The following GALNT17 variants were observed in gnomAD, a reference collection of about 807,000 sequenced individuals.
The protein encoded by GALNT17 is UDP-GalNAc:polypeptide N-acetylgalactosaminyltransferase-like 3.
In GALNT17, 29 loss-of-function variants were observed where a neutral mutation model predicts 63.7. The ratio of observed to expected loss-of-function variants is 0.46; its 90% CI spans 0.34 to 0.62. The LOEUF (loss-of-function observed/expected upper bound fraction) is 0.62, where lower values mean the gene tolerates loss of function less well. GALNT17 is among the 20% of genes least tolerant of loss of function. GALNT17 has a pLI of 0.01. For synonymous variants in GALNT17, 305 were observed against 318.3 expected (o/e 0.96, Z 0.45); for missense variants, 603 against 799.6 (o/e 0.75, Z 2.97).
intron 2 of GALNT17, among the ~76,000 whole-genome samples, chr7:71,383,219 A>G (rs1792878670): frequency 6.6e-6 from 1 of 152,104 alleles, no homozygotes; most frequent in Non-Finnish European, 1.5e-5. Flanking sequence ...TTATATATAC[A>G]CAGCCATCCC....
intron 3 of GALNT17, among the ~76,000 whole-genome samples, chr7:71,395,947 C>G (rs1563061948): frequency 6.6e-6 from 1 of 152,084 alleles, no homozygotes; most frequent in African/African-American, 2.4e-5. Flanking sequence ...GATTATTTGA[C>G]TTTTTAAATT....
At chr7:71,619,037 A>G (rs753224384) in intron 6 of GALNT17, among the ~76,000 whole-genome samples, 1 of 152,216 alleles carries the variant, frequency 6.6e-6, no homozygotes, top group Non-Finnish European at 1.5e-5. Flanking sequence ...ATGGCTAGCC[A>G]GTTGTCCTGG....
At chr7:71,626,343 T>C (rs913131853) in intron 6 of GALNT17, among the ~76,000 whole-genome samples, 18 of 152,130 alleles carry the variant, frequency 1.2e-4, no homozygotes, top group African/African-American at 4.3e-4. Flanking sequence ...ATGCCTCAGA[T>C]GTAACCACCC....
intron 1 of GALNT17, among the ~76,000 whole-genome samples, chr7:71,267,584 G>A (rs1216781737): frequency 6.6e-6 from 1 of 152,108 alleles, no homozygotes. Flanking sequence ...TATCTGTTGC[G>A]CTCATTTGCT....
At chr7:71,252,457 G>C (rs550212082) in intron 1 of GALNT17, among the ~76,000 whole-genome samples, 6 of 152,108 alleles carry the variant, frequency 3.9e-5, no homozygotes, top group Admixed American at 6.6e-5. Flanking sequence ...CATGAGAGGC[G>C]GAGGCTGCAG....
At chr7:71,207,727 T>C (rs1789299792) in intron 1 of GALNT17, among the ~76,000 whole-genome samples, 1 of 152,158 alleles carries the variant, frequency 6.6e-6, no homozygotes, top group Non-Finnish European at 1.5e-5. Flanking sequence ...TCACTGGTCC[T>C]TGGGAGCCTT....
chr7:71,388,580 G>T (rs1488873834), intron 3 of GALNT17, among the ~76,000 whole-genome samples, 179 bp downstream of exon 3: 1 of 151,980 alleles, frequency 6.6e-6, no homozygotes, highest in African/African-American at 2.4e-5. Flanking sequence ...AGGCTGGAGT[G>T]CAGTGGCATG....
intron 1 of GALNT17, among the ~76,000 whole-genome samples, chr7:71,143,293 G>T (rs1297516953): frequency 6.7e-6 from 1 of 149,688 alleles, no homozygotes; most frequent in Non-Finnish European, 1.5e-5. Flanking sequence ...GTGGTGGCGG[G>T]CACCCGTCAT....
chr7:71,154,369 G>T (rs573777339), intron 1 of GALNT17, among the ~76,000 whole-genome samples: 1 of 152,108 alleles, frequency 6.6e-6, no homozygotes, highest in South Asian at 2.1e-4. Context: ...GGGCAGAGAC[G>T]GGCTGTTCCC....
chr7:71,310,539 A>G (rs145170393), intron 1 of GALNT17, among the ~76,000 whole-genome samples: 43 of 152,338 alleles, frequency 2.8e-4, no homozygotes, highest in Non-Finnish European at 5.4e-4. Context: ...CACCAACCTA[A>G]TATTTACCTA....
intron 2 of GALNT17, among the ~76,000 whole-genome samples, chr7:71,378,512 T>C (rs1196309669): frequency 6.6e-6 from 1 of 152,174 alleles, no homozygotes; most frequent in African/African-American, 2.4e-5. Flanking sequence ...AGTGTGGTTG[T>C]GTTCGGGATG....
chr7:71,263,973 G>A lies in GALNT17; in HGVS notation c.239-71577G>A, dbSNP rs536408190. ...CAATCTGATGTTTCCATGTGTGGGAGCGAGTGGGGCTTGTAAATTTGCGTT... is the reference window on the plus strand; with the variant it reads ...CAATCTGATGTTTCCATGTGTGGGAACGAGTGGGGCTTGTAAATTTGCGTT... On this transcript the variant is annotated intron_variant, in intron 1 of 10. Transcript: ENST00000333538. Among the ~76,000 whole-genome samples the A allele has an allele frequency of 5.6e-4, 86 of 152,274 alleles. 1 individual carries two copies. The highest frequency in any genetic ancestry group is 1.9e-3 in the African/African-American group (81 of 41,564).
intron 5 of GALNT17, among the ~76,000 whole-genome samples, chr7:71,514,405 G>A (rs1468585609): frequency 6.6e-6 from 1 of 152,148 alleles, no homozygotes; most frequent in Admixed American, 6.5e-5. Flanking sequence ...ATAAACAGTG[G>A]GGGGTGGAGG....
chr7:71,576,426 C>T (rs982565186), intron 6 of GALNT17, among the ~76,000 whole-genome samples: 1 of 152,182 alleles, frequency 6.6e-6, no homozygotes, highest in Non-Finnish European at 1.5e-5. Context: ...TGAGAAATCT[C>T]TGAACTGCTT....
In GALNT17 at chr7:71,543,614, C is replaced by T. The variant is rs1321207246; in HGVS notation, c.963-27671C>T. ...GTGATATCCACAAGCTCATTCTGTG[C>T]AAAATCCTGTTGGCCATATTGAGTC... is the stretch of plus-strand genomic sequence containing the variant. On this transcript the variant is annotated intron_variant, in intron 5 of 10. Transcript: ENST00000333538. 2.0e-5 allele frequency among the ~76,000 whole-genome samples: 3 copies of T among 151,918 alleles called. No homozygotes were observed. In the East Asian group the frequency reaches 5.8e-4, roughly 29 times the overall value.
At chr7:71,430,658 A>G (rs1786845403) in intron 5 of GALNT17, among the ~76,000 whole-genome samples, 1 of 152,194 alleles carries the variant, frequency 6.6e-6, no homozygotes. Flanking sequence ...TTTGATAATA[A>G]ATTATAAGGT....
At position 71,335,654 on chromosome 7, in the gene GALNT17, C is replaced by T; in HGVS notation, c.343C>T (p.His115Tyr). ...TGAAGAAGAAAAGGCTAAGGGACCCCATGAGAAGTATGGCTACAATTCATA... is the reference window on the plus strand; with the variant it reads ...TGAAGAAGAAAAGGCTAAGGGACCCTATGAGAAGTATGGCTACAATTCATA... Reference protein sequence around the residue: ...PAEEEKAKGPHEKYGYNSYLS... With the variant: ...PAEEEKAKGPYEKYGYNSYLS... The change falls in exon 2 of 11, where the codon CAT becomes TAT. Residue 115 changes from histidine to tyrosine, a missense_variant. Around this residue, in one of 3 missense-constraint regions of GALNT17, gnomAD observed 195 missense variants for 215.0 expected, o/e 0.91. Transcript: ENST00000333538. 1.9e-6 allele frequency: 3 copies of T among 1,613,678 alleles called. No individual in the cohort carries two copies. The highest frequency in any genetic ancestry group is 2.5e-6 in the Non-Finnish European group (3 of 1,179,778).
intron 1 of GALNT17, among the ~76,000 whole-genome samples, chr7:71,214,507 A>G (rs1427171135): frequency 1.3e-5 from 2 of 151,874 alleles, no homozygotes; most frequent in Non-Finnish European, 2.9e-5. Flanking sequence ...TTCATCTCCA[A>G]ACTGGATTTT....
At chr7:71,159,369 A>G (rs1230469790) in intron 1 of GALNT17, among the ~76,000 whole-genome samples, 5 of 151,726 alleles carry the variant, frequency 3.3e-5, no homozygotes, top group Admixed American at 6.6e-5. Context: ...GAAGCTTTCT[A>G]TATTTTATGA....
Sources: allele counts gnomAD v4.1 joint callset (sites outside exome capture counted in the v4.1 genomes callset), GRCh38; gene constraint gnomAD v4.1.1; regional missense constraint gnomAD v4.1.1; transcripts MANE v1.5; gene names NCBI Gene and HGNC (gene_info 2026-07-23, HGNC 2026-07-21).